Variants in UGT1A8 observed in about 807,000 individuals in gnomAD.
The protein encoded by UGT1A8 is UDP-glucuronosyltransferase 1A8.
Under a neutral mutation model 45.3 loss-of-function variants are expected in UGT1A8, and 39 were observed. The observed-to-expected ratio is 0.86, with a 90% CI of 0.67 to 1.12. UGT1A8 has a LOEUF of 1.12. Among genes scored for constraint, UGT1A8 ranks in the 50% most tolerant of loss-of-function variants. UGT1A8 has a pLI of 0.00. For missense variants in UGT1A8, 719 were observed against 664.9 expected (o/e 1.08, Z -0.90); for synonymous variants, 275 against 249.2 (o/e 1.10, Z -0.97).
intron 1 of UGT1A8, among the ~76,000 whole-genome samples, chr2:233,662,222 G>T (rs1055788436): frequency 2.6e-5 from 4 of 152,168 alleles, no homozygotes; most frequent in African/African-American, 9.7e-5. Context: ...AAATAGATTT[G>T]TGTCTATAAT....
chr2:233,727,133 C>G (rs1484837556), intron 1 of UGT1A8, among the ~76,000 whole-genome samples: 1 of 152,194 alleles, frequency 6.6e-6, no homozygotes, highest in African/African-American at 2.4e-5. Flanking sequence ...CAGAGGGGAA[C>G]AAGACCACAC....
chr2:233,672,507 C>A, intron 1 of UGT1A8: 2 of 1,613,930 alleles, frequency 1.2e-6, no homozygotes, highest in Non-Finnish European at 1.7e-6. Flanking sequence ...CCTATGTCCC[C>A]AGAATTCTCT....
chr2:233,727,191 G>A (rs764445830), intron 1 of UGT1A8, among the ~76,000 whole-genome samples: 4 of 152,118 alleles, frequency 2.6e-5, no homozygotes, highest in Non-Finnish European at 4.4e-5. Context: ...CTTTGCTGGG[G>A]TGACCTCACT....
intron 1 of UGT1A8, among the ~76,000 whole-genome samples, chr2:233,763,740 G>A (rs752841443): frequency 3.7e-4 from 57 of 152,188 alleles, no homozygotes; most frequent in Non-Finnish European, 5.6e-4. Flanking sequence ...GCATTGGCGT[G>A]TCTTTGGTGT....
intron 1 of UGT1A8, among the ~76,000 whole-genome samples, chr2:233,669,631 G>C (rs114850020): frequency 6.6e-6 from 1 of 152,112 alleles, no homozygotes; most frequent in Non-Finnish European, 1.5e-5. Flanking sequence ...TGAGGATTGA[G>C]GTACCAACCC....
chr2:233,618,374 T>G lies in UGT1A8; in HGVS notation c.667T>G (p.Phe223Val). The G allele has an allele frequency of 6.2e-7, 1 of 1,613,932 alleles. No homozygotes were observed. Among genetic ancestry groups the G allele is most frequent in the Non-Finnish European group, 8.5e-7 (1 of 1,179,848 alleles). Residue 223 changes from phenylalanine to valine, a missense_variant, in exon 1 of 5, where the codon TTT becomes GTT. Phe to Val is a conservative substitution (Grantham distance 50). Transcript: ENST00000373450. ...GGAGGAACATTTATTTTGCCAGTAT[T>G]TTTCCAAAAATGCCCTAGAAATAGC... ...HLEEHLFCQY[F>V]SKNALEIASE...
rs573485749 is a variant in UGT1A8 at position 233,724,715 on chromosome 2, C to G, written c.856-42319C>G. On this transcript the variant is annotated intron_variant, in intron 1 of 4. Coordinates refer to ENST00000373450, the MANE Select transcript of UGT1A8 (RefSeq NM_019076.5). ...GTGAAGACGCTCCTCGCTTTCCAGACTGGGCAGCCAGGCAGAGGGGCTCCT... is the reference window on the plus strand; with the variant it reads ...GTGAAGACGCTCCTCGCTTTCCAGAGTGGGCAGCCAGGCAGAGGGGCTCCT... Among the ~76,000 whole-genome samples, 232 of 143,874 alleles carry G rather than the reference C, an allele frequency of 1.6e-3. 23 individuals carry two copies. Among genetic ancestry groups the G allele is most frequent in the African/African-American group, 6.0e-3 (227 of 38,016 alleles). The allele number at this position is 143,874 out of a possible 152,430, so 94.4% of individuals were successfully genotyped here. A position where few individuals can be genotyped will look rare whatever the true frequency, so the allele number is the denominator to read the frequency against.
intron 2 of UGT1A8, among the ~76,000 whole-genome samples, 162 bp from the exon 3 acceptor site, chr2:233,767,687 C>A (rs1297182892): frequency 6.6e-6 from 1 of 152,176 alleles, no homozygotes; most frequent in Non-Finnish European, 1.5e-5. Flanking sequence ...AAACAAGATG[C>A]CGGAAGTTGC....
chr2:233,671,853 G>T (rs2074201119), intron 1 of UGT1A8: 11 of 1,510,124 alleles, frequency 7.3e-6, no homozygotes, highest in Non-Finnish European at 9.7e-6. Flanking sequence ...ATTGGGGTCA[G>T]GTTTTGTGCT....
Position 233,642,564 on chromosome 2 carries a change from C to T in UGT1A8, c.855+24002C>T, listed in dbSNP as rs147741259. Among the ~76,000 whole-genome samples, 417 of 152,282 alleles carry T rather than the reference C, an allele frequency of 2.7e-3. 1 individual carries two copies. Among genetic ancestry groups the T allele is most frequent in the African/African-American group, 9.2e-3 (382 of 41,548 alleles). On this transcript the variant is annotated intron_variant, in intron 1 of 4. Coordinates refer to ENST00000373450, the MANE Select transcript of UGT1A8 (RefSeq NM_019076.5). ...ATGAGGTCATGGTTTTCCTGAATGG[C>T]GTTGATGCTAGCAGACATTCTTCAG...
intron 1 of UGT1A8, chr2:233,693,074 G>C: frequency 6.2e-7 from 1 of 1,614,172 alleles, no homozygotes; most frequent in Non-Finnish European, 8.5e-7. Context: ...TTGGGGCATG[G>C]TTGTAGGTGA....
At chr2:233,751,284 C>T (rs2125910404) in intron 1 of UGT1A8, among the ~76,000 whole-genome samples, 1 of 152,008 alleles carries the variant, frequency 6.6e-6, no homozygotes, top group East Asian at 1.9e-4. Flanking sequence ...CCAGTTTCTC[C>T]CATTTGGAAT....
chr2:233,702,349 GTT>G (rs545005076), intron 1 of UGT1A8, among the ~76,000 whole-genome samples: 1 of 151,098 alleles, frequency 6.6e-6, no homozygotes, highest in Admixed American at 6.6e-5. Context: ...TGTTCTAATA[GTT>G]TTTTTTTAGT....
At chr2:233,730,078 T>C (rs1454977100) in intron 1 of UGT1A8, 3 of 1,605,302 alleles carry the variant, frequency 1.9e-6, no homozygotes, top group East Asian at 2.3e-5. Flanking sequence ...GCTTCCATAT[T>C]TACTTATCTT....
chr2:233,709,908 T>TA (rs1575491897), intron 1 of UGT1A8, among the ~76,000 whole-genome samples: 1 of 152,210 alleles, frequency 6.6e-6, no homozygotes, highest in Non-Finnish European at 1.5e-5. Context: ...AGTCACCTAA[T>TA]ACCTCCCCTC....
intron 1 of UGT1A8, among the ~76,000 whole-genome samples, chr2:233,664,549 A>G (rs2074036454): frequency 6.6e-6 from 1 of 152,190 alleles, no homozygotes; most frequent in South Asian, 2.1e-4. Flanking sequence ...AGCCTCAGGG[A>G]GTGTTTACTC....
At chr2:233,717,182 C>A (rs1378916239) in intron 1 of UGT1A8, among the ~76,000 whole-genome samples, 1 of 152,140 alleles carries the variant, frequency 6.6e-6, no homozygotes, top group Non-Finnish European at 1.5e-5. Context: ...GCAAGAGCAC[C>A]CTCCCAGGCA....
At chr2:233,671,751 C>A in intron 1 of UGT1A8, 1 of 1,299,172 alleles carries the variant, frequency 7.7e-7, no homozygotes, top group Non-Finnish European at 1.0e-6. Flanking sequence ...ATAGATATCT[C>A]AGCAAAAGCT....
rs1692071385 is a variant in UGT1A8, at chr2:233,742,695, T to C, written c.856-24339T>C. 2.0e-5 allele frequency: 3 copies of C among 152,474 alleles called. 1 individual carries two copies. Among genetic ancestry groups the C allele is most frequent in the African/African-American group, 7.3e-5 (3 of 41,134 alleles). 9.4% of individuals were successfully genotyped at this position (152,474 alleles called of 1,614,324 possible). ...TTGTCCTCAGCCTTCAGAGGGAACA[T>C]GCTTCCACCGATTTCAGCTCAGTGA... is the stretch of plus-strand genomic sequence containing the variant. On this transcript the variant is annotated intron_variant, in intron 1 of 4. Coordinates refer to ENST00000373450, the MANE Select transcript of UGT1A8 (RefSeq NM_019076.5).
Sources: gnomAD v4.1 joint callset for allele counts (sites outside exome capture counted in the v4.1 genomes callset) on GRCh38, gnomAD v4.1.1 for gene constraint, MANE v1.5 for transcripts, NCBI Gene and HGNC (gene_info 2026-07-23, HGNC 2026-07-21) for gene names.